The following PRSS23 variants were observed in gnomAD, a reference collection of about 807,000 sequenced individuals.
PRSS23 encodes the protein protease, serine 23.
Under a neutral mutation model 34.7 loss-of-function variants are expected in PRSS23, and 25 were observed. That is an observed-to-expected ratio of 0.72 (90% CI 0.53 to 1.01). The LOEUF is 1.01. PRSS23 is among the 50% of genes least tolerant of loss of function. The pLI is 0.00. For missense variants in PRSS23, 445 were observed against 475.6 expected (o/e 0.94, Z 0.60); for synonymous variants, 176 against 186.6 (o/e 0.94, Z 0.46).
At chr11:86,909,681 G>T (rs555746517) in intron 2 of PRSS23, 1 of 152,314 alleles carries the variant, frequency 6.6e-6, no homozygotes, top group East Asian at 1.9e-4. Context: ...ACTCCCTGAA[G>T]AACAGGTGTG....
chr11:86,880,112 T>C (rs550298467), intron 2 of PRSS23, among the ~76,000 whole-genome samples: 1 of 152,326 alleles, frequency 6.6e-6, no homozygotes, highest in Non-Finnish European at 1.5e-5. Context: ...GAAAAATTCT[T>C]CTGCCTTGTG....
chr11:86,875,498 G>C (rs183480443), intron 2 of PRSS23, among the ~76,000 whole-genome samples: 1 of 152,158 alleles, frequency 6.6e-6, no homozygotes, highest in Non-Finnish European at 1.5e-5. Flanking sequence ...TGGTAGGAAC[G>C]CTGACTCTTT....
At chr11:86,851,315 C>T (rs1948527555) in intron 2 of PRSS23, among the ~76,000 whole-genome samples, 2 of 152,186 alleles carry the variant, frequency 1.3e-5, no homozygotes, top group Admixed American at 6.5e-5. Flanking sequence ...AAGCCAGGGG[C>T]AGGGGCAAGG....
chr11:86,799,736 A>C (rs1316637544), upstream of PRSS23, among the ~76,000 whole-genome samples: 2 of 148,416 alleles, frequency 1.3e-5, no homozygotes, highest in East Asian at 4.1e-4. Context: ...GACCGCTTGG[A>C]GTGATTCAGG....
chr11:86,935,986 T>C (rs568347964), intron 2 of PRSS23: 22 of 152,360 alleles, frequency 1.4e-4, no homozygotes, highest in African/African-American at 4.8e-4. Context: ...GGGCTCTGAA[T>C]GACTGCCCAT....
At chr11:86,825,429 T>C (rs1352992228) in intron 2 of PRSS23, among the ~76,000 whole-genome samples, 1 of 152,224 alleles carries the variant, frequency 6.6e-6, no homozygotes, top group Non-Finnish European at 1.5e-5. Flanking sequence ...ATTTTGTAGG[T>C]TTCCTGTTCA....
intron 2 of PRSS23, chr11:86,836,873 C>A (rs1168436379): frequency 6.6e-6 from 1 of 152,286 alleles, no homozygotes; most frequent in African/African-American, 2.4e-5. Flanking sequence ...AACAAGTAAA[C>A]CAACACCCAG....
At chr11:86,831,682 C>T (rs1948357407) in intron 2 of PRSS23, among the ~76,000 whole-genome samples, 1 of 151,278 alleles carries the variant, frequency 6.6e-6, no homozygotes. Flanking sequence ...CCTAATGTCA[C>T]AGGGGGTGTA....
At chr11:86,850,849 C>A (rs969690047) in intron 2 of PRSS23, among the ~76,000 whole-genome samples, 1 of 152,210 alleles carries the variant, frequency 6.6e-6, no homozygotes, top group Non-Finnish European at 1.5e-5. Context: ...AAATCTAAGA[C>A]ATGTCACAAA....
chr11:86,906,097 C>T (rs908440230), intron 2 of PRSS23, among the ~76,000 whole-genome samples: 1 of 152,152 alleles, frequency 6.6e-6, no homozygotes, highest in African/African-American at 2.4e-5. Context: ...AACAAGGCAC[C>T]ACAGGGATTT....
intron 2 of PRSS23, among the ~76,000 whole-genome samples, chr11:86,907,011 G>C (rs1948947844): frequency 6.6e-6 from 1 of 152,110 alleles, no homozygotes; most frequent in African/African-American, 2.4e-5. Context: ...ACAAACTTTG[G>C]TATACTTTAA....
intron 2 of PRSS23, among the ~76,000 whole-genome samples, chr11:86,838,555 C>T (rs778419364): frequency 2.0e-5 from 3 of 152,200 alleles, no homozygotes; most frequent in African/African-American, 4.8e-5. Flanking sequence ...CATAGCAGAA[C>T]GAAAGGCAGC....
At chr11:86,901,489 C>T (rs1351016385) in intron 2 of PRSS23, among the ~76,000 whole-genome samples, 1 of 152,120 alleles carries the variant, frequency 6.6e-6, no homozygotes, top group Non-Finnish European at 1.5e-5. Flanking sequence ...AATTGAATTA[C>T]AGTCAAAATG....
At chr11:86,918,065 AG>A (rs1198811887) in intron 2 of PRSS23, among the ~76,000 whole-genome samples, 2 of 152,244 alleles carry the variant, frequency 1.3e-5, no homozygotes, top group African/African-American at 2.4e-5. Flanking sequence ...TTTAGTAATG[AG>A]GCCTATAGCT....
chr11:86,828,597 C>G (rs1392583779), intron 2 of PRSS23, among the ~76,000 whole-genome samples: 3 of 152,164 alleles, frequency 2.0e-5, no homozygotes, highest in Admixed American at 6.6e-5. Context: ...CCTCAATGGT[C>G]TTTACAATTT....
intron 2 of PRSS23, among the ~76,000 whole-genome samples, chr11:86,861,758 GTCCAA>G (rs1948617189): frequency 6.6e-6 from 1 of 150,960 alleles, no homozygotes; most frequent in African/African-American, 2.4e-5. Context: ...TTTTTGTAAT[GTCCAA>G]GGTGGGGCAG....
chr11:86,906,501 G>A (rs1481026619), intron 2 of PRSS23, among the ~76,000 whole-genome samples: 1 of 152,222 alleles, frequency 6.6e-6, no homozygotes, highest in Non-Finnish European at 1.5e-5. Flanking sequence ...CCGCGAGGTT[G>A]CCCCCCATCT....
intron 2 of PRSS23, among the ~76,000 whole-genome samples, chr11:86,886,319 G>A (rs1201633498): frequency 6.6e-6 from 1 of 152,154 alleles, no homozygotes; most frequent in Non-Finnish European, 1.5e-5. Context: ...CTCCCTTCAG[G>A]GAAAGGACAG....
intron 2 of PRSS23, among the ~76,000 whole-genome samples, chr11:86,847,007 T>C (rs1948491381): frequency 6.6e-6 from 1 of 152,212 alleles, no homozygotes; most frequent in African/African-American, 2.4e-5. Flanking sequence ...GGTGCATGGG[T>C]ACAGCTCTTA....
Sources: allele counts gnomAD v4.1 joint callset (sites outside exome capture counted in the v4.1 genomes callset), GRCh38; gene constraint gnomAD v4.1.1; transcripts MANE v1.5; gene names NCBI Gene and HGNC (gene_info 2026-07-23, HGNC 2026-07-21).